Variants in ST3GAL2 observed in about 807,000 individuals in gnomAD.
The protein encoded by ST3GAL2 is ST3 beta-galactoside alpha-2,3-sialyltransferase 2, also known as CMP-N-acetylneuraminate-beta-galactosamide-alpha-2,3-sialyltransferase 2.
In ST3GAL2, 16 loss-of-function variants were observed where a neutral mutation model predicts 37.5. That is an observed-to-expected ratio of 0.43 (90% CI 0.29 to 0.65). The LOEUF is 0.65. Among genes scored for constraint, ST3GAL2 ranks in the 30% least tolerant of loss-of-function variants. The pLI is 0.17. For missense variants in ST3GAL2, 383 were observed against 487.8 expected (o/e 0.79, Z 2.02); for synonymous variants, 238 against 202.9 (o/e 1.17, Z -1.47).
At chr16:70,383,122 A>G in intron 5 of ST3GAL2, 68 bp downstream of exon 5, 1 of 1,598,022 alleles carries the variant, frequency 6.3e-7, no homozygotes, top group Admixed American at 1.7e-5. Context: ...CACCTGAGCT[A>G]CAGGACCAGG....
intron 1 of ST3GAL2, among the ~76,000 whole-genome samples, chr16:70,409,805 ATTTTTTTTT>A (rs980660367): frequency 7.7e-6 from 1 of 129,060 alleles, no homozygotes; most frequent in Admixed American, 7.8e-5. Flanking sequence ...ACCTGGCTAA[ATTTTTTTTT>A]TTTTTTTTTT....
At chr16:70,383,008 C>T in intron 5 of ST3GAL2, 84 bp from the exon 6 acceptor site, 2 of 1,585,514 alleles carry the variant, frequency 1.3e-6, no homozygotes, top group South Asian at 1.1e-5. Context: ...CTTGTCTATG[C>T]CTGTCAGAGA....
intron 1 of ST3GAL2, among the ~76,000 whole-genome samples, chr16:70,420,355 A>G (rs1188745130): frequency 6.6e-6 from 1 of 152,218 alleles, no homozygotes; most frequent in Non-Finnish European, 1.5e-5. Flanking sequence ...CCAGTCACAT[A>G]GGTGCCAATC....
At chr16:70,400,790 G>C (rs1325003503) in intron 1 of ST3GAL2, 1 of 152,320 alleles carries the variant, frequency 6.6e-6, no homozygotes, top group Non-Finnish European at 1.5e-5. Flanking sequence ...CGGCTCAAGG[G>C]TGAGAGGGAA....
chr16:70,382,594 T>C (rs535203800), intron 6 of ST3GAL2, among the ~76,000 whole-genome samples: 1 of 152,182 alleles, frequency 6.6e-6, no homozygotes, highest in Non-Finnish European at 1.5e-5. Context: ...AATAACTTTT[T>C]AATGAAGAGA....
chr16:70,410,328 G>A (rs1272287602), intron 1 of ST3GAL2, among the ~76,000 whole-genome samples: 1 of 126,482 alleles, frequency 7.9e-6, no homozygotes, highest in Non-Finnish European at 1.6e-5. Flanking sequence ...TCGGCTCACT[G>A]CAAGCTCTGC....
At chr16:70,417,780 G>A (rs2047685804) in intron 1 of ST3GAL2, among the ~76,000 whole-genome samples, 1 of 152,002 alleles carries the variant, frequency 6.6e-6, no homozygotes, top group South Asian at 2.1e-4. Flanking sequence ...AAGCCAGAGA[G>A]GGTCTGGAGT....
At chr16:70,391,806 GC>G (rs1160913403) in intron 3 of ST3GAL2, among the ~76,000 whole-genome samples, 19 of 152,182 alleles carry the variant, frequency 1.2e-4, no homozygotes, top group African/African-American at 4.6e-4. Context: ...ATGGGGTTTT[GC>G]CATGTTGCCC....
intron 1 of ST3GAL2, among the ~76,000 whole-genome samples, chr16:70,416,778 A>G (rs1364939478): frequency 6.6e-6 from 1 of 152,124 alleles, no homozygotes; most frequent in Non-Finnish European, 1.5e-5. Flanking sequence ...CAAATTGAGC[A>G]AATCTGAGCC....
At chr16:70,437,057 G>A (rs1317756874) in intron 1 of ST3GAL2, among the ~76,000 whole-genome samples, 1 of 152,160 alleles carries the variant, frequency 6.6e-6, no homozygotes, top group African/African-American at 2.4e-5. Flanking sequence ...AGGCTTGGCC[G>A]GAGTAGAAAT....
Position 70,398,489 on chromosome 16 carries a change from G to A in ST3GAL2, c.42C>T (p.Phe14=), listed in dbSNP as rs1180892143. The A allele has an allele frequency of 1.9e-6, 3 of 1,612,646 alleles. No individual in the cohort carries two copies. The highest frequency in any genetic ancestry group is 2.5e-6 in the Non-Finnish European group (3 of 1,179,828). ...GCAGGGACATGATGAACACCAGCAG[G>A]AAGGCCACGGAGAGGAACCACACCC... ...SLRVWFLSVA[F]LLVFIMSLLF... The change falls in exon 2 of 7, where the codon TTC becomes TTT. Residue 14 remains phenylalanine (F), a synonymous_variant. Coordinates refer to ENST00000342907, the MANE Select transcript of ST3GAL2 (RefSeq NM_006927.4).
chr16:70,432,333 G>A (rs2047796752), intron 1 of ST3GAL2, among the ~76,000 whole-genome samples: 2 of 152,096 alleles, frequency 1.3e-5, no homozygotes, highest in Non-Finnish European at 2.9e-5. Context: ...AATCTGCAGG[G>A]ATAAGGCACC....
chr16:70,439,052 T>C lies in ST3GAL2; in HGVS notation c.-1107A>G, dbSNP rs2047849744. The C allele has an allele frequency of 1.9e-5, 3 of 161,886 alleles. No homozygotes were observed. The highest frequency in any genetic ancestry group is 3.8e-5 in the Non-Finnish European group (3 of 78,374). 10.0% of individuals were successfully genotyped at this position (161,886 alleles called of 1,614,324 possible). ...GCCGCCGCCGCCGCCGCCGCCGTCGTCCGGACCCGTTAGCTCGCAGCTCTC... is the reference window on the plus strand; with the variant it reads ...GCCGCCGCCGCCGCCGCCGCCGTCGCCCGGACCCGTTAGCTCGCAGCTCTC... On this transcript the variant is annotated 5_prime_UTR_variant, in exon 1 of 7. Coordinates refer to ENST00000342907, the MANE Select transcript of ST3GAL2 (RefSeq NM_006927.4).
At chr16:70,420,179 G>A (rs2047705453) in intron 1 of ST3GAL2, among the ~76,000 whole-genome samples, 1 of 152,060 alleles carries the variant, frequency 6.6e-6, no homozygotes, top group Non-Finnish European at 1.5e-5. Context: ...GTGGCCCAGT[G>A]GGAGGATGGA....
In ST3GAL2 at chr16:70,377,201, A is replaced by G. The variant is rs2047354975; in HGVS notation, c.*4488T>C. Reference sequence around the variant, plus strand: ...CTTAAAAAAAAAAAAAAAAAAAAAAAAAGGGTCTGGTGGCTCACGCCTGTA... The same window carrying G: ...CTTAAAAAAAAAAAAAAAAAAAAAAGAAGGGTCTGGTGGCTCACGCCTGTA... On this transcript the variant is annotated 3_prime_UTR_variant, in exon 7 of 7. Transcript: ENST00000342907. 6.7e-6 allele frequency: 1 copy of G among 149,838 alleles called. No individual in the cohort carries two copies. Among genetic ancestry groups the G allele is most frequent in the South Asian group, 2.1e-4 (1 of 4,768 alleles). The allele number at this position is 149,838 out of a possible 1,614,324, so 9.3% of individuals were successfully genotyped here.
intron 4 of ST3GAL2, among the ~76,000 whole-genome samples, chr16:70,386,333 GC>G (rs1225013941): frequency 6.6e-6 from 1 of 152,132 alleles, no homozygotes; most frequent in Non-Finnish European, 1.5e-5. Flanking sequence ...GACTACAGGT[GC>G]CTGCCACCAC....
chr16:70,384,523 G>T (rs1371808115), intron 4 of ST3GAL2, among the ~76,000 whole-genome samples: 1 of 151,554 alleles, frequency 6.6e-6, no homozygotes, highest in Non-Finnish European at 1.5e-5. Flanking sequence ...TGGCCAACAT[G>T]GTAAAACCCT....
Position 70,399,175 on chromosome 16 carries a change from G to T in ST3GAL2, c.-645C>A. Reference sequence around the variant, plus strand: ...GGGAAAACTCCGCTGCAGAGATCGAGATCCTTTCCGCAGTAGGTCTTGCCC... The same window carrying T: ...GGGAAAACTCCGCTGCAGAGATCGATATCCTTTCCGCAGTAGGTCTTGCCC... On this transcript the variant is annotated 5_prime_UTR_variant, in exon 2 of 7. Coordinates refer to ENST00000342907, the MANE Select transcript of ST3GAL2 (RefSeq NM_006927.4). 1 of 398,992 alleles carries T rather than the reference G, an allele frequency of 2.5e-6. No homozygotes were observed. 24.7% of individuals were successfully genotyped at this position (398,992 alleles called of 1,614,324 possible).
intron 1 of ST3GAL2, among the ~76,000 whole-genome samples, chr16:70,402,283 C>CAAAAAAAAAAA (rs1042560583): frequency 2.5e-5 from 1 of 40,714 alleles, no homozygotes; most frequent in Non-Finnish European, 4.7e-5. Context: ...AACTATTTCT[C>CAAAAAAAAAAA]AAAAAAAAAA....
Sources: gnomAD v4.1 joint callset for allele counts (sites outside exome capture counted in the v4.1 genomes callset) on GRCh38, gnomAD v4.1.1 for gene constraint, MANE v1.5 for transcripts, NCBI Gene and HGNC (gene_info 2026-07-23, HGNC 2026-07-21) for gene names.